The following ATP4A variants were observed in gnomAD, a reference collection of about 807,000 sequenced individuals.
The protein encoded by ATP4A is potassium-transporting ATPase alpha chain 1.
In ATP4A, 73 loss-of-function variants were observed where a neutral mutation model predicts 112.1. The ratio of observed to expected loss-of-function variants is 0.65; its 90% CI spans 0.54 to 0.79. The LOEUF is 0.79. ATP4A is among the 30% of genes least tolerant of loss of function. The pLI is 0.00. For synonymous variants in ATP4A, 588 were observed against 588.9 expected (o/e 1.00, Z 0.02); for missense variants, 1,081 against 1,425.9 (o/e 0.76, Z 3.90).
intron 16 of ATP4A, among the ~76,000 whole-genome samples, chr19:35,554,197 TCGCCGTG>T (rs2071617586): frequency 6.6e-6 from 1 of 151,548 alleles, no homozygotes; most frequent in Non-Finnish European, 1.5e-5. Flanking sequence ...TCTCTCAGTG[TCGCCGTG>T]CCCCTTCATC....
chr19:35,561,889 T>C (rs1458314046), intron 4 of ATP4A, among the ~76,000 whole-genome samples: 1 of 141,590 alleles, frequency 7.1e-6, no homozygotes, highest in Non-Finnish European at 1.5e-5. Context: ...GCAGTCTCGC[T>C]CTGTCGCCCA....
rs375370401 is a variant in ATP4A at position 35,560,665 on chromosome 19, G to T, written c.535-50C>A. 5.0e-6 allele frequency: 8 copies of T among 1,586,760 alleles called. No homozygotes were observed. The highest frequency in any genetic ancestry group is 6.9e-6 in the Non-Finnish European group (8 of 1,162,758). ...GAGGTGGACGGGGGTGGGGGTGGGA[G>T]CTGCTGCATGTGGGGAGGTAAAGGA... On this transcript the variant is annotated intron_variant, in intron 5 of 21. Coordinates refer to ENST00000262623, the MANE Select transcript of ATP4A (RefSeq NM_000704.3). The surrounding 1 kb of genome is among the most constrained non-coding windows in gnomAD (Gnocchi z 5.1).
rs1248714272 is a variant in ATP4A, at chr19:35,559,377, C to T, written c.1057-186G>A. ...CCAGTGCTTTGTTTGGGACTCCTTC[C>T]CCAGTCTGCCCAGATACAGTAGCGA... On this transcript the variant is annotated intron_variant, in intron 7 of 21. Coordinates refer to ENST00000262623, the MANE Select transcript of ATP4A (RefSeq NM_000704.3). The surrounding 1 kb of genome is among the most constrained non-coding windows in gnomAD (Gnocchi z 4.1). Among the ~76,000 whole-genome samples, 6 of 152,258 alleles carry T rather than the reference C, an allele frequency of 3.9e-5. No individual in the cohort carries two copies. Among genetic ancestry groups the T allele is most frequent in the Admixed American group, 3.9e-4 (6 of 15,290 alleles).
rs2071639364 is a variant in ATP4A, at chr19:35,557,712, G to C, written c.1636C>G (p.Arg546Gly). The C allele has an allele frequency of 6.2e-7, 1 of 1,608,010 alleles. No individual in the cohort carries two copies. Among genetic ancestry groups the C allele is most frequent in the African/African-American group, 1.3e-5 (1 of 74,814 alleles). Reference protein sequence around the residue: ...GQELPLDEQWREAFQTAYLSL... With the variant: ...GQELPLDEQWGEAFQTAYLSL... ...AGGTAGGCGGTCTGGAAGGCCTCGCGCCACTGCTCGTCCAGCGGCAGCTCC... is the reference window on the plus strand; with the variant it reads ...AGGTAGGCGGTCTGGAAGGCCTCGCCCCACTGCTCGTCCAGCGGCAGCTCC... Residue 546 changes from arginine to glycine, a missense_variant, in exon 11 of 22, where the codon CGC (arginine) becomes GGC (glycine). Around this residue, in one of 3 missense-constraint regions of ATP4A, gnomAD observed 850 missense variants for 1,068.2 expected, o/e 0.80. Transcript: ENST00000262623. This position sits in a 1 kb window ranked among gnomAD's most constrained non-coding sequence, Gnocchi z 4.4.
rs531359016 is a variant in ATP4A at position 35,551,835 on chromosome 19, C to T, written c.2752-255G>A. Reference sequence around the variant, plus strand: ...TGGCCGGGAAAACTGTAGGCTGGGCCGACTGCTTTCATAGTGAAAGGGGGG... The same window carrying T: ...TGGCCGGGAAAACTGTAGGCTGGGCTGACTGCTTTCATAGTGAAAGGGGGG... On this transcript the variant is annotated intron_variant, in intron 18 of 21. Transcript: ENST00000262623. The surrounding 1 kb of genome is among the most constrained non-coding windows in gnomAD (Gnocchi z 5.2). 3.9e-5 allele frequency among the ~76,000 whole-genome samples: 6 copies of T among 151,928 alleles called. No homozygotes were observed. The highest frequency in any genetic ancestry group is 8.8e-5 in the Non-Finnish European group (6 of 67,988).
rs1599569951 is a variant in ATP4A, at chr19:35,551,974, C to G, written c.2752-394G>C. On this transcript the variant is annotated intron_variant, in intron 18 of 21. Transcript: ENST00000262623. This position sits in a 1 kb window ranked among gnomAD's most constrained non-coding sequence, Gnocchi z 5.2. ...TGGCAAAAATAGGTGAGGCAGTCACCGCGGGCCTTTGGGAAAAGAGGGCAG... is the reference window on the plus strand; with the variant it reads ...TGGCAAAAATAGGTGAGGCAGTCACGGCGGGCCTTTGGGAAAAGAGGGCAG... Among the ~76,000 whole-genome samples the G allele has an allele frequency of 1.3e-5, 2 of 152,220 alleles. No homozygotes were observed. The highest frequency in any genetic ancestry group is 2.1e-4 in the South Asian group (1 of 4,832).
Position 35,563,066 on chromosome 19 carries a change from G to GCCTC in ATP4A, c.216+139_216+142dup, listed in dbSNP as rs1472772734. ...TCCCTCCCTCCCTCTTTCCTTTTCT[G>GCCTC]CCTCCCTCCCTCTCTCTATTTCTCC... On this transcript the variant is annotated intron_variant, in intron 3 of 21. Transcript: ENST00000262623. The GCCTC allele has an allele frequency of 1.7e-5, 10 of 590,062 alleles. No homozygotes were observed. The African/African-American group carries it at 2.1e-4, about 12-fold the overall frequency. 36.6% of individuals were successfully genotyped at this position (590,062 alleles called of 1,614,324 possible).
intron 17 of ATP4A, 39 bp downstream of exon 17, chr19:35,553,667 G>A (rs1055394008): frequency 4.4e-6 from 7 of 1,608,692 alleles, no homozygotes; most frequent in South Asian, 1.1e-5. Flanking sequence ...CCAGCGCAGA[G>A]CCCCCCACCT....
At chr19:35,556,602 A>G (rs918350253) in intron 12 of ATP4A, among the ~76,000 whole-genome samples, 2 of 152,152 alleles carry the variant, frequency 1.3e-5, no homozygotes, top group African/African-American at 4.8e-5. Context: ...TGGGGTGGCT[A>G]AGCAGGTGGG....
In ATP4A at chr19:35,558,559, A is replaced by C; in HGVS notation, c.1365+18T>G. On this transcript the variant is annotated intron_variant, in intron 9 of 21. Coordinates refer to ENST00000262623, the MANE Select transcript of ATP4A (RefSeq NM_000704.3). The surrounding 1 kb of genome is among the most constrained non-coding windows in gnomAD (Gnocchi z 5.1). ...ACACCAGCCTCCCGGGATTCCCTGG[A>C]GGCCCCCTGGCTCTCACCTTGGGCA... 6.3e-7 allele frequency: 1 copy of C among 1,595,274 alleles called. No homozygotes were observed. Among genetic ancestry groups the C allele is most frequent in the Non-Finnish European group, 8.5e-7 (1 of 1,171,742 alleles).
Position 35,560,663 on chromosome 19 carries a change from G to GGC in ATP4A, c.535-49_535-48insGC. 38 of 883,844 alleles carry GGC rather than the reference G, an allele frequency of 4.3e-5. No homozygotes were observed. Among genetic ancestry groups the GGC allele is most frequent in the Non-Finnish European group, 6.6e-5 (37 of 561,630 alleles). The allele number at this position is 883,844 out of a possible 1,614,324, so 54.8% of individuals were successfully genotyped here. On this transcript the variant is annotated intron_variant, in intron 5 of 21. Coordinates refer to ENST00000262623, the MANE Select transcript of ATP4A (RefSeq NM_000704.3). This position sits in a 1 kb window ranked among gnomAD's most constrained non-coding sequence, Gnocchi z 5.1. ...TTGAGGTGGACGGGGGTGGGGGTGG[G>GGC]AGCTGCTGCATGTGGGGAGGTAAAG...
In ATP4A at chr19:35,550,658, G is replaced by A. The variant is rs752362864; in HGVS notation, c.3080-15C>T. On this transcript the variant is annotated splice_polypyrimidine_tract_variant and intron_variant, in intron 21 of 21. Coordinates refer to ENST00000262623, the MANE Select transcript of ATP4A (RefSeq NM_000704.3). This position sits in a 1 kb window ranked among gnomAD's most constrained non-coding sequence, Gnocchi z 4.1. ...GTCCCACCAGCCTGGGAGAGAGAGGGAGAAAGGAGACTCAGTGCTGGGGGT... is the reference window on the plus strand; with the variant it reads ...GTCCCACCAGCCTGGGAGAGAGAGGAAGAAAGGAGACTCAGTGCTGGGGGT... The A allele has an allele frequency of 2.6e-5, 42 of 1,613,752 alleles. No homozygotes were observed. The highest frequency in any genetic ancestry group is 3.6e-5 in the Non-Finnish European group (42 of 1,179,840).
In ATP4A at chr19:35,555,507, G is replaced by T; in HGVS notation, c.2090C>A (p.Pro697His). Residue 697 changes from proline to histidine, a missense_variant, in exon 14 of 22, where the codon CCC (proline) becomes CAC (histidine). Physicochemically the swap from Pro to His is moderately conservative, Grantham distance 77 (BLOSUM62 -2). Around this residue, in one of 3 missense-constraint regions of ATP4A, gnomAD observed 850 missense variants for 1,068.2 expected, o/e 0.80. Coordinates refer to ENST00000262623, the MANE Select transcript of ATP4A (RefSeq NM_000704.3). The surrounding 1 kb of genome is among the most constrained non-coding windows in gnomAD (Gnocchi z 6.6). ...GCTGGTGCGCGCAAACACCATCTCGGGGTGGGTGCGCAGGGCCTCGACCAG... is the reference window on the plus strand; with the variant it reads ...GCTGGTGCGCGCAAACACCATCTCGTGGTGGGTGCGCAGGGCCTCGACCAG... ...SELVEALRTH[P>H]EMVFARTSPQ... 1 of 1,607,986 alleles carries T rather than the reference G, an allele frequency of 6.2e-7. No homozygotes were observed. The highest frequency in any genetic ancestry group is 1.7e-5 in the Admixed American group (1 of 59,582).
In ATP4A at chr19:35,557,553, G is replaced by A. The variant is rs559629917; in HGVS notation, c.1693+102C>T. 1.5e-6 allele frequency: 2 copies of A among 1,373,672 alleles called. No individual in the cohort carries two copies. The highest frequency in any genetic ancestry group is 2.0e-6 in the Non-Finnish European group (2 of 1,018,740). 85.1% of individuals were successfully genotyped at this position (1,373,672 alleles called of 1,614,324 possible). A position where few individuals can be genotyped will look rare whatever the true frequency, so the allele number is the denominator to read the frequency against. On this transcript the variant is annotated intron_variant, in intron 11 of 21. Transcript: ENST00000262623. The surrounding 1 kb of genome is among the most constrained non-coding windows in gnomAD (Gnocchi z 4.4). ...GTGGACTGCGACAAATCAGCCAGCAGCCAGGGATGAGGACGGTCAGGGCTG... is the reference window on the plus strand; with the variant it reads ...GTGGACTGCGACAAATCAGCCAGCAACCAGGGATGAGGACGGTCAGGGCTG...
At position 35,559,202 on chromosome 19, in the gene ATP4A, G is replaced by A. The variant is rs755116288; in HGVS notation, c.1057-11C>T. 6.8e-6 allele frequency: 11 copies of A among 1,613,368 alleles called. No homozygotes were observed. In the East Asian group the frequency reaches 2.2e-4, roughly 33 times the overall value. On this transcript the variant is annotated splice_polypyrimidine_tract_variant and intron_variant, in intron 7 of 21. Transcript: ENST00000262623. This position sits in a 1 kb window ranked among gnomAD's most constrained non-coding sequence, Gnocchi z 4.1. ...CAGGGACAGGCAGACCTGGGGAAGG[G>A]GTGAGCACCGCAGGCTGGGGACCCA...
Position 35,555,177 on chromosome 19 carries a change from C to G in ATP4A, c.2315G>C (p.Gly772Ala), listed in dbSNP as rs750377482. The change falls in exon 15 of 22, where the codon GGC becomes GCC. Residue 772 changes from glycine to alanine, a missense_variant. Transcript: ENST00000262623. The surrounding 1 kb of genome is among the most constrained non-coding windows in gnomAD (Gnocchi z 6.6). ...LDDNFASIVT[G>A]VEQGRLIFDN... ...GGCGTGGCTCGGACCCTGCTCCACG[C>G]CTGTCACAATGGAGGCAAAGTTGTC... 6.2e-7 allele frequency: 1 copy of G among 1,614,132 alleles called. No homozygotes were observed. The highest frequency in any genetic ancestry group is 2.2e-5 in the East Asian group (1 of 44,888).
Position 35,558,361 on chromosome 19 carries a change from C to T in ATP4A, c.1500+1G>A, listed in dbSNP as rs111791558. The T allele has an allele frequency of 1.2e-6, 2 of 1,609,308 alleles. No individual in the cohort carries two copies. Among genetic ancestry groups the T allele is most frequent in the South Asian group, 1.1e-5 (1 of 90,166 alleles). On this transcript the variant is annotated splice_donor_variant, in intron 10 of 21. Transcript: ENST00000262623. LOFTEE classifies it high-confidence loss of function. The surrounding 1 kb of genome is among the most constrained non-coding windows in gnomAD (Gnocchi z 5.1). Reference sequence around the variant, plus strand: ...GGCCGTGGGCGGGGCCGGCTGCGCACCTGGAACTTGTTGGTGGAGTTGAAG... The same window carrying T: ...GGCCGTGGGCGGGGCCGGCTGCGCATCTGGAACTTGTTGGTGGAGTTGAAG...
rs1265150937 is a variant in ATP4A at position 35,556,900 on chromosome 19, C to G, written c.1869+13G>C. On this transcript the variant is annotated intron_variant, in intron 12 of 21. Transcript: ENST00000262623. ...TGTCCTCACTCCACTTGTTCCTCCC[C>G]ACAGTGGCATACCCGGATGCCTGCG... The G allele has an allele frequency of 6.2e-7, 1 of 1,610,820 alleles. No individual in the cohort carries two copies. The highest frequency in any genetic ancestry group is 2.2e-5 in the East Asian group (1 of 44,786).
In ATP4A at chr19:35,550,895, G is replaced by A. The variant is rs141390472; in HGVS notation, c.3018C>T (p.Tyr1006=). 286 of 1,614,184 alleles carry A rather than the reference G, an allele frequency of 1.8e-4. No individual in the cohort carries two copies. In the African/African-American group the frequency reaches 2.3e-3, roughly 13 times the overall value. The part of the protein sequence containing the change: ...RFQWWLVPLP[Y]GILIFVYDEI... ...CATCATAGACGAAGATGAGGATGCCGTAGGGCAGGGGGACCAGCCACCACT... is the reference window on the plus strand; with the variant it reads ...CATCATAGACGAAGATGAGGATGCCATAGGGCAGGGGGACCAGCCACCACT... Residue 1006 remains tyrosine (Y), a synonymous_variant, in exon 21 of 22, where the codon TAC becomes TAT. Transcript: ENST00000262623. The surrounding 1 kb of genome is among the most constrained non-coding windows in gnomAD (Gnocchi z 4.1).
Sources: gnomAD v4.1 joint callset for allele counts (sites outside exome capture counted in the v4.1 genomes callset) on GRCh38, gnomAD v4.1.1 for gene constraint, gnomAD v4.1.1 regional missense constraint, Gnocchi (gnomAD v3.1) non-coding constraint, MANE v1.5 for transcripts, NCBI Gene and HGNC (gene_info 2026-07-23, HGNC 2026-07-21) for gene names.